Variants in PFKM observed in about 807,000 individuals in gnomAD.
The protein encoded by PFKM is ATP-dependent 6-phosphofructokinase, muscle type.
PFKM carries 58 observed loss-of-function variants against 95.5 expected under a neutral mutation model. The observed-to-expected ratio is 0.61, with a 90% CI of 0.49 to 0.76. The LOEUF is 0.76. PFKM is among the 30% of genes least tolerant of loss of function. PFKM has a pLI of 0.00. For missense variants in PFKM, 678 were observed against 1,005.4 expected, an observed-to-expected ratio of 0.67 and a Z score of 4.40; for synonymous variants, 336 against 357.2, an observed-to-expected ratio of 0.94 and a Z score of 0.67.
intron 3 of PFKM, among the ~76,000 whole-genome samples, chr12:48,109,776 CAAT>C (rs1947026129): frequency 6.6e-6 from 1 of 152,150 alleles, no homozygotes; most frequent in Admixed American, 6.5e-5. Context: ...TTCCCAGCAC[CAAT>C]AAGGCCTCCA....
chr12:48,144,904 G>T, intron 20 of PFKM, 127 bp from the exon 21 acceptor site: 1 of 751,838 alleles, frequency 1.3e-6, no homozygotes, highest in Non-Finnish European at 2.3e-6. Flanking sequence ...TTCATAGTTT[G>T]ACTTCTGGAT....
chr12:48,131,401 C>G lies in PFKM; in HGVS notation c.237+8C>G. 6.3e-7 allele frequency: 1 copy of G among 1,596,490 alleles called. No homozygotes were observed. The highest frequency in any genetic ancestry group is 1.7e-5 in the Admixed American group (1 of 60,004). ...TCGATGATGCTTCAGCTGGTATGTTCCAGAGAACTCCCTGTCCCATATTTG... is the reference window on the plus strand; with the variant it reads ...TCGATGATGCTTCAGCTGGTATGTTGCAGAGAACTCCCTGTCCCATATTTG... On this transcript the variant is annotated splice_region_variant and intron_variant, in intron 4 of 22. Coordinates refer to ENST00000359794, the MANE Select transcript of PFKM (RefSeq NM_000289.6).
Position 48,145,230 on chromosome 12 carries a change from C to G in PFKM, c.2113C>G (p.Pro705Ala). 1.2e-6 allele frequency: 2 copies of G among 1,614,064 alleles called. No individual in the cohort carries two copies. The highest frequency in any genetic ancestry group is 1.7e-6 in the Non-Finnish European group (2 of 1,179,982). Residue 705 changes from proline to alanine, a missense_variant, in exon 22 of 23, where the codon CCA becomes GCA. Coordinates refer to ENST00000359794, the MANE Select transcript of PFKM (RefSeq NM_000289.6). The surrounding 1 kb of genome is among the most constrained non-coding windows in gnomAD (Gnocchi z 4.3). ...YRNGRIFANT[P>A]DSGCVLGMRK... ...TGCAGGGCGGATCTTTGCCAATACTCCAGATTCGGGCTGTGTTCTGGGGAT... is the reference window on the plus strand; with the variant it reads ...TGCAGGGCGGATCTTTGCCAATACTGCAGATTCGGGCTGTGTTCTGGGGAT...
chr12:48,140,828 T>C lies in PFKM; in HGVS notation c.1298T>C (p.Val433Ala). ...VRIGLIQGNR[V>A]LVVHDGFEGL... is the part of the protein sequence containing the mutation. ...ATTGGCCTTATCCAGGGCAACCGAG[T>C]GCTCGTTGTCCATGATGGTTTCGAG... Residue 433 changes from valine (V) to alanine (A), a missense_variant, in exon 14 of 23, where the codon GTG becomes GCG. Physicochemically the swap from Val to Ala is moderately conservative, Grantham distance 64. Coordinates refer to ENST00000359794, the MANE Select transcript of PFKM (RefSeq NM_000289.6). 6.2e-7 allele frequency: 1 copy of C among 1,614,154 alleles called. No individual in the cohort carries two copies. Among genetic ancestry groups the C allele is most frequent in the Non-Finnish European group, 8.5e-7 (1 of 1,180,022 alleles).
chr12:48,106,245 G>A (rs562822545), intron 1 of PFKM: 7 of 623,776 alleles, frequency 1.1e-5, no homozygotes, highest in Admixed American at 2.6e-5. Context: ...GAGCATTTAA[G>A]ACTAGTCGTA....
rs1450581982 is a variant in PFKM at position 48,142,884 on chromosome 12, C to T, written c.1756C>T (p.Leu586=). The T allele has an allele frequency of 1.2e-6, 2 of 1,614,190 alleles. No individual in the cohort carries two copies. Among genetic ancestry groups the T allele is most frequent in the Non-Finnish European group, 1.7e-6 (2 of 1,180,028 alleles). ...TGGCTACCTGGCTACCATGGCTGGA[C>T]TGGCAGCTGGGGCCGATGCTGCCTA... ...YCGYLATMAG[L]AAGADAAYIF... The change falls in exon 18 of 23, where the codon CTG becomes TTG. Residue 586 remains leucine (L), a synonymous_variant. Coordinates refer to ENST00000359794, the MANE Select transcript of PFKM (RefSeq NM_000289.6).
rs778761447 is a variant in PFKM at position 48,129,210 on chromosome 12, CTTTTTTTTTTTTTTTTTTT to C, written c.86-1138_86-1120del. Among the ~76,000 whole-genome samples the C allele has an allele frequency of 9.5e-4, 21 of 21,998 alleles. No individual in the cohort carries two copies. The South Asian group carries it at 0.014, about 15-fold the overall frequency. The allele number at this position is 21,998 out of a possible 152,430, so 14.4% of individuals were successfully genotyped here. ...GTTCTGTTTTGTTTTAATTTTCTTT[CTTTTTTTTTTTTTTTTTTT>C]TTTTTTTTTTTTTTACAGATGGAGT... On this transcript the variant is annotated intron_variant, in intron 2 of 22. Coordinates refer to ENST00000359794, the MANE Select transcript of PFKM (RefSeq NM_000289.6).
chr12:48,140,224 C>T (rs567460777), intron 13 of PFKM, among the ~76,000 whole-genome samples: 28 of 152,272 alleles, frequency 1.8e-4, no homozygotes, highest in Non-Finnish European at 3.5e-4. Context: ...TGGGAATAAT[C>T]ACATCTAAGT....
chr12:48,138,689 G>A (rs1188924763), intron 11 of PFKM, among the ~76,000 whole-genome samples: 3 of 152,186 alleles, frequency 2.0e-5, no homozygotes, highest in South Asian at 2.1e-4. Context: ...CTTTAAGGCC[G>A]GGGACCTGGG....
chr12:48,132,575 A>C (rs1269262212), intron 4 of PFKM, among the ~76,000 whole-genome samples: 1 of 152,262 alleles, frequency 6.6e-6, no homozygotes, highest in Non-Finnish European at 1.5e-5. Context: ...AGAAGCCAAC[A>C]TACATGTATG....
At chr12:48,107,931 C>A (rs1946841457) in intron 2 of PFKM, 2 of 698,224 alleles carry the variant, frequency 2.9e-6, no homozygotes, top group African/African-American at 3.6e-5. Context: ...TTTTGAGGTA[C>A]ATCGCGTCTC....
At chr12:48,141,552 G>C in intron 15 of PFKM, 171 bp downstream of exon 15, 1 of 766,718 alleles carries the variant, frequency 1.3e-6, no homozygotes, top group Admixed American at 2.0e-5. Context: ...ATCTTTAGCA[G>C]CTCTGGCAAC....
chr12:48,108,095 A>G (rs1330926842), exon 3 of PFKM: 4 of 1,599,464 alleles, frequency 2.5e-6, no homozygotes, highest in East Asian at 4.5e-5. Flanking sequence ...TACTTCCAGC[A>G]TGCTCATACC....
intron 1 of PFKM, among the ~76,000 whole-genome samples, chr12:48,120,523 TG>T (rs1375568777): frequency 6.6e-6 from 1 of 152,176 alleles, no homozygotes; most frequent in African/African-American, 2.4e-5. Flanking sequence ...TCCAGTCCAG[TG>T]GTTGGCAAAC....
At chr12:48,129,675 T>G (rs542462792) in intron 2 of PFKM, among the ~76,000 whole-genome samples, 1 of 152,314 alleles carries the variant, frequency 6.6e-6, no homozygotes, top group African/African-American at 2.4e-5. Context: ...GAGAATCAGC[T>G]GTCTGGTAAC....
At chr12:48,141,162 G>A in intron 14 of PFKM, 149 bp from the exon 15 acceptor site, 1 of 765,560 alleles carries the variant, frequency 1.3e-6, no homozygotes, top group Admixed American at 2.0e-5. Flanking sequence ...AGAAGAAGTT[G>A]AGTGCGTGGG....
chr12:48,133,553 A>C, intron 6 of PFKM, 73 bp downstream of exon 6: 1 of 1,378,444 alleles, frequency 7.3e-7, no homozygotes, highest in Non-Finnish European at 1.0e-6. Flanking sequence ...GAAGCTCCTG[A>C]AGACTAAAGC....
At position 48,145,257 on chromosome 12, in the gene PFKM, C is replaced by T; in HGVS notation, c.2140C>T (p.Arg714Cys). 3.1e-6 allele frequency: 5 copies of T among 1,614,032 alleles called. No individual in the cohort carries two copies. Among genetic ancestry groups the T allele is most frequent in the South Asian group, 1.1e-5 (1 of 91,082 alleles). ...TPDSGCVLGMRKRALVFQPVA... is the reference protein window; with the variant it reads ...TPDSGCVLGMCKRALVFQPVA... ...AGATTCGGGCTGTGTTCTGGGGATG[C>T]GTAAGAGGGCTCTGGTCTTCCAACC... The change falls in exon 22 of 23, where the codon CGT becomes TGT. Residue 714 changes from arginine (R) to cysteine (C), a missense_variant. Arg to Cys is a radical substitution (Grantham distance 180). Coordinates refer to ENST00000359794, the MANE Select transcript of PFKM (RefSeq NM_000289.6). This position sits in a 1 kb window ranked among gnomAD's most constrained non-coding sequence, Gnocchi z 4.3.
intron 3 of PFKM, among the ~76,000 whole-genome samples, chr12:48,113,578 G>C (rs1947396080): frequency 6.6e-6 from 1 of 152,226 alleles, no homozygotes; most frequent in African/African-American, 2.4e-5. Flanking sequence ...CAAGTGGCCA[G>C]ATTTCCGACA....
Sources: allele counts gnomAD v4.1 joint callset (sites outside exome capture counted in the v4.1 genomes callset), GRCh38; gene constraint gnomAD v4.1.1; non-coding constraint Gnocchi (gnomAD v3.1); transcripts MANE v1.5; gene names NCBI Gene and HGNC (gene_info 2026-07-23, HGNC 2026-07-21).